The following BOK variants were observed in gnomAD, a reference collection of about 807,000 sequenced individuals.
BOK encodes bcl-2-related ovarian killer protein.
Under a neutral mutation model 18.3 loss-of-function variants are expected in BOK, and 20 were observed. That is an observed-to-expected ratio of 1.09 (90% CI 0.77 to 1.59). The LOEUF (loss-of-function observed/expected upper bound fraction) is 1.59. Among genes scored for constraint, BOK ranks in the 40% most tolerant of loss-of-function variants. The pLI is 0.00. For synonymous variants in BOK, 173 were observed against 142.4 expected, an observed-to-expected ratio of 1.21 and a Z score of -1.53; for missense variants, 348 against 307.9, an observed-to-expected ratio of 1.13 and a Z score of -0.97.
intron 3 of BOK, among the ~76,000 whole-genome samples, chr2:241,564,488 CGT>C (rs2066579943): frequency 6.8e-6 from 1 of 146,680 alleles, no homozygotes; most frequent in Admixed American, 6.8e-5. Context: ...CAGGCTGAGG[CGT>C]GTCATGGGGC....
chr2:241,560,259 T>A (rs916587488), intron 2 of BOK: 3 of 985,270 alleles, frequency 3.0e-6, no homozygotes, highest in Non-Finnish European at 3.6e-6. Flanking sequence ...CCCCACCGTC[T>A]CCAAGGTCTG....
chr2:241,571,521 T>C (rs1559206872), intron 4 of BOK, among the ~76,000 whole-genome samples: 6 of 152,090 alleles, frequency 3.9e-5, no homozygotes, highest in African/African-American at 1.4e-4. Context: ...GAAGGCTGAA[T>C]TGGGGGTGCA....
chr2:241,571,095 G>A (rs930229120), intron 4 of BOK, among the ~76,000 whole-genome samples: 2 of 151,858 alleles, frequency 1.3e-5, no homozygotes, highest in African/African-American at 4.8e-5. Context: ...GTGAGGCAGG[G>A]GGTGGGGCAA....
intron 3 of BOK, among the ~76,000 whole-genome samples, chr2:241,564,210 G>C (rs1055440764): frequency 1.3e-5 from 2 of 152,180 alleles, no homozygotes; most frequent in Non-Finnish European, 2.9e-5. Flanking sequence ...TCCTGCCTCC[G>C]GGCTTGTCTT....
chr2:241,559,642 C>T lies in BOK; in HGVS notation c.159C>T (p.Pro53=). Reference sequence around the variant, plus strand: ...GCGCCGGCCTCTCCTGGAGCGCGCCCGAGCGTGCCGCGCCGGTCCCGGGAC... The same window carrying T: ...GCGCCGGCCTCTCCTGGAGCGCGCCTGAGCGTGCCGCGCCGGTCCCGGGAC... ...LLRAGLSWSA[P]ERAAPVPGRL... Residue 53 remains proline, a synonymous_variant, in exon 2 of 5, where the codon CCC becomes CCT. Coordinates refer to ENST00000318407, the MANE Select transcript of BOK (RefSeq NM_032515.5). 1.4e-6 allele frequency: 2 copies of T among 1,408,322 alleles called. No homozygotes were observed. Among genetic ancestry groups the T allele is most frequent in the Non-Finnish European group, 1.8e-6 (2 of 1,089,556 alleles). The allele number at this position is 1,408,322 out of a possible 1,614,324, so 87.2% of individuals were successfully genotyped here. A position where few individuals can be genotyped will look rare whatever the true frequency, so the allele number is the denominator to read the frequency against.
rs1196278698 is a variant in BOK at position 241,562,741 on chromosome 2, T to G, written c.349+265T>G. ...GCTTCTTGATTGGTTGTAGTTGTGG[T>G]CCAGCATCCGTGGGGCCGCGTGACC... On this transcript the variant is annotated intron_variant, in intron 3 of 4. Coordinates refer to ENST00000318407, the MANE Select transcript of BOK (RefSeq NM_032515.5). The surrounding 1 kb of genome is among the most constrained non-coding windows in gnomAD (Gnocchi z 4.5). Among the ~76,000 whole-genome samples the G allele has an allele frequency of 6.6e-6, 1 of 152,172 alleles. No individual in the cohort carries two copies. Among genetic ancestry groups the G allele is most frequent in the Non-Finnish European group, 1.5e-5 (1 of 68,034 alleles).
intron 2 of BOK, among the ~76,000 whole-genome samples, chr2:241,561,164 C>T (rs896277695): frequency 2.0e-5 from 3 of 152,312 alleles, no homozygotes; most frequent in East Asian, 1.9e-4. Context: ...TGGGATGGTC[C>T]GGTCAGCAGC....
chr2:241,551,889 G>C (rs550786481), intron 1 of BOK, among the ~76,000 whole-genome samples: 2 of 151,404 alleles, frequency 1.3e-5, no homozygotes, highest in African/African-American at 2.4e-5. Context: ...ATTCACCTCG[G>C]CCACTTGAAC....
At chr2:241,565,226 G>A (rs963015670) in intron 3 of BOK, among the ~76,000 whole-genome samples, 2 of 135,886 alleles carry the variant, frequency 1.5e-5, no homozygotes, top group African/African-American at 2.8e-5. Context: ...ACGCAGGCCC[G>A]GCTCTGGCCA....
At chr2:241,560,234 C>A (rs1385020525) in intron 2 of BOK, 5 of 985,334 alleles carry the variant, frequency 5.1e-6, no homozygotes, top group Middle Eastern at 5.2e-4. Context: ...GGGTCACACA[C>A]GGTCCACTGG....
chr2:241,554,904 C>A (rs916778609), upstream of BOK, among the ~76,000 whole-genome samples: 2 of 152,164 alleles, frequency 1.3e-5, no homozygotes, highest in African/African-American at 4.8e-5. Context: ...GGACCGAGTT[C>A]CATGCTAGGT....
Position 241,570,270 on chromosome 2 carries a change from G to C in BOK, c.495G>C (p.Leu165=). The change falls in exon 4 of 5, where the codon CTG becomes CTC. Residue 165 remains leucine (L), a synonymous_variant. Transcript: ENST00000318407. ...TGCGCAAGACCCTGGCAACCTGGCT[G>C]CGGAGACGCGGCGGATGGGTGAGCG... The part of the protein sequence containing the change: ...EFVRKTLATW[L]RRRGGWTDVL... 1 of 1,565,836 alleles carries C rather than the reference G, an allele frequency of 6.4e-7. No homozygotes were observed. Among genetic ancestry groups the C allele is most frequent in the Non-Finnish European group, 8.6e-7 (1 of 1,156,800 alleles).
upstream of BOK, among the ~76,000 whole-genome samples, chr2:241,555,472 T>C (rs1574991623): frequency 6.6e-6 from 1 of 151,174 alleles, no homozygotes; most frequent in Admixed American, 6.6e-5. Context: ...GACTCCTGGG[T>C]TCAAGCAATT....
chr2:241,554,951 A>G (rs935350303), upstream of BOK, among the ~76,000 whole-genome samples: 3 of 152,190 alleles, frequency 2.0e-5, no homozygotes, highest in Admixed American at 1.3e-4. Context: ...GTTGCATGGC[A>G]AGAGTGGATG....
chr2:241,570,148 T>A lies in BOK; in HGVS notation c.373T>A (p.Ser125Thr), dbSNP rs942954477. ...AGGCATCACGTGGGGCAAGGTGGTG[T>A]CCCTGTATGCGGTGGCCGCGGGGCT... ...SAGITWGKVV[S>T]LYAVAAGLAV... The change falls in exon 4 of 5, where the codon TCC (serine) becomes ACC (threonine). Residue 125 changes from serine to threonine, a missense_variant. Physicochemically the swap from Ser to Thr is moderately conservative, Grantham distance 58. Transcript: ENST00000318407. 1.5e-5 allele frequency: 24 copies of A among 1,611,574 alleles called. No individual in the cohort carries two copies. In the Admixed American group the frequency reaches 2.3e-4, roughly 16 times the overall value.
At chr2:241,552,871 G>A (rs529278661) in intron 1 of BOK, among the ~76,000 whole-genome samples, 13 of 152,338 alleles carry the variant, frequency 8.5e-5, no homozygotes, top group Admixed American at 7.2e-4. Flanking sequence ...TGCAGTGACC[G>A]GGAGGTGACG....
rs149999244 is a variant in BOK at position 241,570,149 on chromosome 2, C to T, written c.374C>T (p.Ser125Phe). 113 of 1,611,636 alleles carry T rather than the reference C, an allele frequency of 7.0e-5. No individual in the cohort carries two copies. Among genetic ancestry groups the T allele is most frequent in the Non-Finnish European group, 8.9e-5 (105 of 1,179,428 alleles). The change falls in exon 4 of 5, where the codon TCC becomes TTC. Residue 125 changes from serine to phenylalanine, a missense_variant. By Grantham distance (155) the Ser-to-Phe change is radical. Transcript: ENST00000318407. Reference sequence around the variant, plus strand: ...GGCATCACGTGGGGCAAGGTGGTGTCCCTGTATGCGGTGGCCGCGGGGCTG... The same window carrying T: ...GGCATCACGTGGGGCAAGGTGGTGTTCCTGTATGCGGTGGCCGCGGGGCTG... ...SAGITWGKVVSLYAVAAGLAV... is the reference protein window; with the variant it reads ...SAGITWGKVVFLYAVAAGLAV...
Position 241,572,543 on chromosome 2 carries a change from C to G in BOK, c.*121C>G. The G allele has an allele frequency of 7.0e-7, 1 of 1,420,898 alleles. No individual in the cohort carries two copies. Among genetic ancestry groups the G allele is most frequent in the Middle Eastern group, 2.5e-4 (1 of 3,992 alleles). 88.0% of individuals were successfully genotyped at this position (1,420,898 alleles called of 1,614,324 possible). A position where few individuals can be genotyped will look rare whatever the true frequency, so the allele number is the denominator to read the frequency against. ...TGGAGCACTCTAACCCTCGGAGACC[C>G]CCTAAGCCCCGTTCCTCCGCAGACC... On this transcript the variant is annotated 3_prime_UTR_variant, in exon 5 of 5. Transcript: ENST00000318407.
Position 241,562,400 on chromosome 2 carries a change from G to A in BOK, c.273G>A (p.Gln91=). 6.2e-7 allele frequency: 1 copy of A among 1,612,190 alleles called. No homozygotes were observed. The highest frequency in any genetic ancestry group is 8.5e-7 in the Non-Finnish European group (1 of 1,179,828). The change falls in exon 3 of 5, where the codon CAG becomes CAA. Residue 91 remains glutamine (Q), a synonymous_variant. Transcript: ENST00000318407. The surrounding 1 kb of genome is among the most constrained non-coding windows in gnomAD (Gnocchi z 4.5). ...GCGTCTACCGCAACGTGGCGCGTCA[G>A]CTGCACATCTCCCTGCAGTCTGAGC... is the stretch of plus-strand genomic sequence containing the variant. The part of the protein sequence containing the change: ...RPSVYRNVAR[Q]LHISLQSEPV...
Sources: allele counts gnomAD v4.1 joint callset (sites outside exome capture counted in the v4.1 genomes callset), GRCh38; gene constraint gnomAD v4.1.1; non-coding constraint Gnocchi (gnomAD v3.1); transcripts MANE v1.5; gene names NCBI Gene and HGNC (gene_info 2026-07-23, HGNC 2026-07-21).